The following ARG2 variants were observed in gnomAD, a reference collection of about 807,000 sequenced individuals.
The protein encoded by ARG2 is arginase-2, mitochondrial.
Under a neutral mutation model 39.4 loss-of-function variants are expected in ARG2, and 21 were observed. The ratio of observed to expected loss-of-function variants is 0.53; its 90% confidence interval spans 0.38 to 0.77. The LOEUF (loss-of-function observed/expected upper bound fraction) is 0.77, where lower values mean the gene tolerates loss of function less well. ARG2 is among the 30% of genes least tolerant of loss of function. The pLI is 0.00. For missense variants in ARG2, 378 were observed against 426.2 expected (o/e 0.89, Z 1.00); for synonymous variants, 150 against 156.7 (o/e 0.96, Z 0.32).
chr14:67,639,668 C>T (rs1306379242), intron 2 of ARG2, among the ~76,000 whole-genome samples: 1 of 152,072 alleles, frequency 6.6e-6, no homozygotes, highest in African/African-American at 2.4e-5. Flanking sequence ...TGCCTGTAAT[C>T]CCAGCACTTT....
chr14:67,629,063 G>A (rs1010190298), intron 2 of ARG2, among the ~76,000 whole-genome samples: 5 of 152,228 alleles, frequency 3.3e-5, no homozygotes, highest in African/African-American at 1.2e-4. Flanking sequence ...GCTGGGTGGG[G>A]TGGCTCATGC....
chr14:67,641,889 C>T (rs1202181198), intron 2 of ARG2, among the ~76,000 whole-genome samples: 1 of 151,982 alleles, frequency 6.6e-6, no homozygotes, highest in Non-Finnish European at 1.5e-5. Flanking sequence ...ATTGTTGGTT[C>T]TTTTTGATAT....
Position 67,620,898 on chromosome 14 carries a change from G to T in ARG2, c.116G>T (p.Arg39Ile). 6.2e-7 allele frequency: 1 copy of T among 1,614,140 alleles called. No individual in the cohort carries two copies. Among genetic ancestry groups the T allele is most frequent in the Non-Finnish European group, 8.5e-7 (1 of 1,179,990 alleles). ...TGTAATTTGTGTGACTGACAGAAAA[G>T]AAAAGGAGTGGAGCATGGTCCCGCT... Reference protein sequence around the residue: ...IGAPFSQGQKRKGVEHGPAAI... With the variant: ...IGAPFSQGQKIKGVEHGPAAI... Residue 39 changes from arginine (R) to isoleucine (I), a missense_variant, in exon 2 of 8, where the codon AGA becomes ATA. Physicochemically the swap from Arg to Ile is moderately conservative, Grantham distance 97. Coordinates refer to ENST00000261783, the MANE Select transcript of ARG2 (RefSeq NM_001172.4).
chr14:67,641,960 G>A (rs574470705), intron 2 of ARG2, among the ~76,000 whole-genome samples: 31 of 151,692 alleles, frequency 2.0e-4, no homozygotes, highest in Admixed American at 6.6e-4. Flanking sequence ...TTTTTTTATT[G>A]TTGGGTTAAG....
chr14:67,649,826 C>T lies in ARG2; in HGVS notation c.860-889C>T, dbSNP rs550008132. 2.0e-5 allele frequency: 3 copies of T among 152,298 alleles called. No homozygotes were observed. The East Asian group carries it at 5.8e-4, about 29-fold the overall frequency. 9.4% of individuals were successfully genotyped at this position (152,298 alleles called of 1,614,324 possible). The stretch of plus-strand genomic sequence containing the variant: ...TGGCCACCCTAAATATTCTTAGATA[C>T]TTGTATTCCTGAATACTAGCTTGTT... On this transcript the variant is annotated intron_variant, in intron 7 of 7. Transcript: ENST00000261783.
intron 2 of ARG2, among the ~76,000 whole-genome samples, chr14:67,630,999 C>G (rs958337052): frequency 1.3e-5 from 2 of 152,210 alleles, no homozygotes; most frequent in Non-Finnish European, 2.9e-5. Flanking sequence ...GCAGTGCCCT[C>G]TCCCTATGCT....
Position 67,651,501 on chromosome 14 carries a change from G to C in ARG2, c.*581G>C. On this transcript the variant is annotated 3_prime_UTR_variant, in exon 8 of 8. Transcript: ENST00000261783. Reference sequence around the variant, plus strand: ...GTCACTCTACAAAGAGAAGCAAAGTGGGGAGTAGTCAGAAGTTTGGATAAC... The same window carrying C: ...GTCACTCTACAAAGAGAAGCAAAGTCGGGAGTAGTCAGAAGTTTGGATAAC... 6.2e-7 allele frequency: 1 copy of C among 1,612,370 alleles called. No homozygotes were observed. Among genetic ancestry groups the C allele is most frequent in the South Asian group, 1.1e-5 (1 of 90,930 alleles).
chr14:67,624,519 G>A (rs773149063), intron 2 of ARG2, among the ~76,000 whole-genome samples: 1 of 152,182 alleles, frequency 6.6e-6, no homozygotes, highest in East Asian at 1.9e-4. Flanking sequence ...AAGCAAGCAC[G>A]TCTTATATGG....
Position 67,646,987 on chromosome 14 carries a change from G to A in ARG2, c.684G>A (p.Gln228=), listed in dbSNP as rs535965075. The A allele has an allele frequency of 1.9e-6, 3 of 1,612,986 alleles. No homozygotes were observed. In the South Asian group the frequency reaches 3.3e-5, roughly 18 times the overall value. Reference sequence around the variant, plus strand: ...GAGATATTGATCGACTTGGTATCCAGAAGGTCATGGAACGAACATTTGATC... The same window carrying A: ...GAGATATTGATCGACTTGGTATCCAAAAGGTCATGGAACGAACATTTGATC... ...SMRDIDRLGI[Q]KVMERTFDLL... Residue 228 remains glutamine (Q), a synonymous_variant, in exon 6 of 8, where the codon CAG becomes CAA. Transcript: ENST00000261783.
intron 2 of ARG2, among the ~76,000 whole-genome samples, chr14:67,631,712 G>A (rs1199400983): frequency 2.0e-5 from 3 of 152,036 alleles, no homozygotes; most frequent in Non-Finnish European, 4.4e-5. Flanking sequence ...GATTACAGGT[G>A]TGAGCCACTG....
In ARG2 at chr14:67,645,781, C is replaced by T; in HGVS notation, c.501C>T (p.Leu167=). ...TCCATGGACAGCCAGTTTCATTTCT[C>T]CTCAGAGAACTACAGGATAAGGTCA... ...GNLHGQPVSF[L]LRELQDKVPQ... Residue 167 remains leucine, a synonymous_variant, in exon 4 of 8, where the codon CTC becomes CTT. Transcript: ENST00000261783. The T allele has an allele frequency of 6.2e-7, 1 of 1,613,960 alleles. No individual in the cohort carries two copies. The highest frequency in any genetic ancestry group is 8.5e-7 in the Non-Finnish European group (1 of 1,179,904).
At chr14:67,645,828 G>C in intron 4 of ARG2, 26 bp downstream of exon 4, 1 of 1,611,524 alleles carries the variant, frequency 6.2e-7, no homozygotes, top group Non-Finnish European at 8.5e-7. Context: ...CGAAAAGAAA[G>C]GTGAATGGCT....
rs755104943 is a variant in ARG2 at position 67,648,066 on chromosome 14, T to C, written c.742T>C (p.Leu248=). The change falls in exon 7 of 8, where the codon TTG becomes CTG. Residue 248 remains leucine (L), a synonymous_variant. Transcript: ENST00000261783. ...TTTTAGGAGACAAAGACCAATCCAT[T>C]TGAGTTTTGATATTGATGCATTTGA... is the stretch of plus-strand genomic sequence containing the variant. ...LIGKRQRPIH[L]SFDIDAFDPT... The C allele has an allele frequency of 9.9e-6, 16 of 1,612,856 alleles. No homozygotes were observed. The African/African-American group carries it at 1.2e-4, about 12-fold the overall frequency.
At position 67,633,574 on chromosome 14, in the gene ARG2, A is replaced by G. The variant is rs549964650; in HGVS notation, c.185-8612A>G. Among the ~76,000 whole-genome samples, 3 of 151,838 alleles carry G rather than the reference A, an allele frequency of 2.0e-5. No individual in the cohort carries two copies. In the South Asian group the frequency reaches 6.3e-4, roughly 32 times the overall value. On this transcript the variant is annotated intron_variant, in intron 2 of 7. Transcript: ENST00000261783. ...ATTGCTGGACACTCTGTTCCCTCTC[A>G]TTTATTTCTTTAGCTTCCTGTGGCA...
chr14:67,650,109 T>C (rs2037152858), intron 7 of ARG2: 1 of 153,950 alleles, frequency 6.5e-6, no homozygotes, highest in Admixed American at 6.4e-5. Flanking sequence ...AGACACTGGG[T>C]CAGTCTGCTG....
intron 4 of ARG2, 123 bp downstream of exon 4, chr14:67,645,925 C>A: frequency 2.7e-6 from 3 of 1,131,956 alleles, no homozygotes; most frequent in Admixed American, 2.3e-5. Context: ...TTCATTTGTT[C>A]ATCACTATTA....
chr14:67,645,212 C>T (rs1014293140), intron 3 of ARG2, among the ~76,000 whole-genome samples: 6 of 151,182 alleles, frequency 4.0e-5, no homozygotes, highest in Admixed American at 3.3e-4. Flanking sequence ...CAGGGTGTGA[C>T]TATTTTGCCC....
intron 2 of ARG2, among the ~76,000 whole-genome samples, chr14:67,640,824 G>A (rs1399792638): frequency 6.6e-6 from 1 of 152,224 alleles, no homozygotes; most frequent in African/African-American, 2.4e-5. Context: ...AGTTCTTAAA[G>A]TGTTGGACTC....
intron 2 of ARG2, among the ~76,000 whole-genome samples, chr14:67,633,004 T>G (rs1302522806): frequency 6.6e-6 from 1 of 151,764 alleles, no homozygotes; most frequent in Admixed American, 6.6e-5. Context: ...GTATTTTTAG[T>G]AGAGACAGTG....
Sources: allele counts gnomAD v4.1 joint callset (sites outside exome capture counted in the v4.1 genomes callset), GRCh38; gene constraint gnomAD v4.1.1; transcripts MANE v1.5; gene names NCBI Gene and HGNC (gene_info 2026-07-23, HGNC 2026-07-21).